The following FBN1 variants were observed in gnomAD, a reference collection of about 807,000 sequenced individuals.
FBN1 encodes fibrillin 1.
A neutral mutation model predicts 365.1 loss-of-function variants in FBN1; 29 were observed. That is an observed-to-expected ratio of 0.08 (90% CI 0.06 to 0.11). The LOEUF is 0.11. FBN1 is among the 10% of genes least tolerant of loss of function. The pLI, the probability that FBN1 is intolerant of heterozygous loss-of-function variation, is 1.00. For synonymous variants in FBN1, 1,210 were observed against 1,270.5 expected (o/e 0.95, Z 1.01); for missense variants, 2,476 against 3,703.2 (o/e 0.67, Z 8.60).
At chr15:48,411,490 C>T in intron 65 of FBN1, 111 bp from the exon 66 acceptor site, 1 of 938,548 alleles carries the variant, frequency 1.1e-6, no homozygotes, top group Non-Finnish European at 1.7e-6. Context: ...CTGCCTTATG[C>T]TGCATACACA....
rs114596765 is a variant in FBN1 at position 48,521,207 on chromosome 15, C to T, written c.989-390G>A. 2.5e-3 allele frequency among the ~76,000 whole-genome samples: 388 copies of T among 152,268 alleles called. 1 individual carries two copies. Among genetic ancestry groups the T allele is most frequent in the African/African-American group, 9.0e-3 (376 of 41,560 alleles). On this transcript the variant is annotated intron_variant, in intron 9 of 65. Transcript: ENST00000316623. ...GTCCCTGGTTTCAAACTGCTTAATTCGAGCCATTTTAGGAAAATATGTAAA... is the reference window on the plus strand; with the variant it reads ...GTCCCTGGTTTCAAACTGCTTAATTTGAGCCATTTTAGGAAAATATGTAAA...
chr15:48,546,331 G>C (rs2044092967), intron 6 of FBN1, among the ~76,000 whole-genome samples: 1 of 152,150 alleles, frequency 6.6e-6, no homozygotes, highest in Admixed American at 6.5e-5. Flanking sequence ...GAGAATAATT[G>C]GGTACACCTG....
chr15:48,525,337 C>T (rs1344407859), intron 9 of FBN1, among the ~76,000 whole-genome samples: 5 of 152,158 alleles, frequency 3.3e-5, no homozygotes, highest in African/African-American at 9.7e-5. Context: ...GCAAACTGCC[C>T]GCCTCGGCCT....
At chr15:48,492,357 G>A in intron 24 of FBN1, 104 bp downstream of exon 24, 1 of 1,138,738 alleles carries the variant, frequency 8.8e-7, no homozygotes, top group South Asian at 1.3e-5. Flanking sequence ...ATTTTGGAGT[G>A]TGTGTCTGTA....
At chr15:48,610,682 AT>A (rs1181336419) in intron 4 of FBN1, 45 bp downstream of exon 4, 1 of 1,413,500 alleles carries the variant, frequency 7.1e-7, no homozygotes, top group African/African-American at 1.4e-5. Context: ...AAAATGGGGT[AT>A]AACCACATAA....
rs1566891436 is a variant in FBN1 at position 48,420,743 on chromosome 15, T to C, written c.7763A>G (p.Tyr2588Cys). 6.2e-7 allele frequency: 1 copy of C among 1,613,978 alleles called. No individual in the cohort carries two copies. Reference protein sequence around the residue: ...QHGCQNIIGGYRCSCPQGYLQ... With the variant: ...QHGCQNIIGGCRCSCPQGYLQ... Reference sequence around the variant, plus strand: ...GTAGCCCTGGGGGCAGCTGCACCTGTAGCCCCCAATGATGTTCTGGCAGCC... The same window carrying C: ...GTAGCCCTGGGGGCAGCTGCACCTGCAGCCCCCAATGATGTTCTGGCAGCC... The change falls in exon 63 of 66, where the codon TAC (tyrosine) becomes TGC (cysteine). Residue 2588 changes from tyrosine to cysteine, a missense_variant. Tyr to Cys is a radical substitution (Grantham distance 194, BLOSUM62 -2). This residue lies in a region of FBN1 where 1,780 missense variants were observed against 2,840.8 expected (regional missense o/e 0.63). Coordinates refer to ENST00000316623, the MANE Select transcript of FBN1 (RefSeq NM_000138.5).
intron 46 of FBN1, 101 bp from the exon 47 acceptor site, chr15:48,446,923 T>A (rs1314277926): frequency 1.6e-5 from 12 of 771,460 alleles, no homozygotes; most frequent in Non-Finnish European, 2.5e-5. Context: ...CCAGGCCTCA[T>A]CCATAGGCTG....
At chr15:48,452,117 G>C (rs1288411518) in intron 45 of FBN1, among the ~76,000 whole-genome samples, 1 of 152,220 alleles carries the variant, frequency 6.6e-6, no homozygotes, top group Non-Finnish European at 1.5e-5. Context: ...CAGCTCAGGA[G>C]AGCTTCACTG....
chr15:48,432,737 C>A, intron 55 of FBN1, 129 bp downstream of exon 55: 1 of 1,230,858 alleles, frequency 8.1e-7, no homozygotes, highest in Non-Finnish European at 1.2e-6. Context: ...GCAGTGACAA[C>A]CCCCGTATTG....
At chr15:48,506,228 GA>G (rs1042679776) in intron 15 of FBN1, among the ~76,000 whole-genome samples, 3 of 150,206 alleles carry the variant, frequency 2.0e-5, no homozygotes, top group Non-Finnish European at 3.0e-5. Flanking sequence ...CTGTGTCTTA[GA>G]AAAAAAAAGA....
At chr15:48,497,505 A>C (rs1463623868) in intron 18 of FBN1, 114 bp from the exon 19 acceptor site, 10 of 995,424 alleles carry the variant, frequency 1.0e-5, no homozygotes, top group Non-Finnish European at 1.5e-5. Context: ...CAGGAGGAAA[A>C]AAATCGATTT....
At chr15:48,453,514 C>A (rs1244251277) in intron 44 of FBN1, among the ~76,000 whole-genome samples, 1 of 151,960 alleles carries the variant, frequency 6.6e-6, no homozygotes, top group African/African-American at 2.4e-5. Flanking sequence ...GATACACAGG[C>A]AAAGCACAGA....
rs137933603 is a variant in FBN1, at chr15:48,452,164, C to T, written c.5545+398G>A. Among the ~76,000 whole-genome samples the T allele has an allele frequency of 6.4e-4, 97 of 152,248 alleles. No homozygotes were observed. In the East Asian group the frequency reaches 0.017, roughly 27 times the overall value. On this transcript the variant is annotated intron_variant, in intron 45 of 65. Coordinates refer to ENST00000316623, the MANE Select transcript of FBN1 (RefSeq NM_000138.5). ...GGTATGCAGCCAAGATGGTGAAAAC[C>T]TCACCTTTCTGAGAGGGATTCTGTG... is the stretch of plus-strand genomic sequence containing the variant.
At chr15:48,474,850 T>C (rs1352108339) in intron 32 of FBN1, among the ~76,000 whole-genome samples, 200 bp from the exon 33 acceptor site, 1 of 152,236 alleles carries the variant, frequency 6.6e-6, no homozygotes, top group East Asian at 1.9e-4. Flanking sequence ...ATGATTGTAC[T>C]AGCTATTGTT....
At chr15:48,532,500 A>ATATGTGTGTGTGTGTG (rs778060954) in intron 8 of FBN1, among the ~76,000 whole-genome samples, 11 of 107,174 alleles carry the variant, frequency 1.0e-4, no homozygotes, top group East Asian at 7.1e-4. Flanking sequence ...GTATATATAT[A>ATATGTGTGTGTGTGTG]TGTGTATGTG....
At chr15:48,431,804 G>A (rs973254972) in intron 55 of FBN1, among the ~76,000 whole-genome samples, 1 of 151,868 alleles carries the variant, frequency 6.6e-6, no homozygotes, top group Admixed American at 6.6e-5. Context: ...ACAAGAATGC[G>A]CCATCACGCC....
chr15:48,437,192 G>C, intron 52 of FBN1, 115 bp from the exon 53 acceptor site: 1 of 1,106,466 alleles, frequency 9.0e-7, no homozygotes, highest in Non-Finnish European at 1.4e-6. Context: ...TAATATAATT[G>C]CTATCTAAAT....
intron 6 of FBN1, among the ~76,000 whole-genome samples, chr15:48,548,271 C>T (rs551139751): frequency 1.3e-4 from 20 of 152,236 alleles, no homozygotes; most frequent in African/African-American, 3.9e-4. Flanking sequence ...ATACAGATTT[C>T]GATATTCTGG....
At chr15:48,610,640 G>T in intron 4 of FBN1, 88 bp downstream of exon 4, 1 of 983,972 alleles carries the variant, frequency 1.0e-6, no homozygotes, top group Non-Finnish European at 1.6e-6. Context: ...ATGTATTGCA[G>T]GAAAGAGGAA....
Sources: allele counts gnomAD v4.1 joint callset (sites outside exome capture counted in the v4.1 genomes callset), GRCh38; gene constraint gnomAD v4.1.1; regional missense constraint gnomAD v4.1.1; transcripts MANE v1.5; gene names NCBI Gene and HGNC (gene_info 2026-07-23, HGNC 2026-07-21).